NRG1: variants seen among roughly 807,000 people sequenced by gnomAD.
The protein encoded by NRG1 is neuregulin 1.
In NRG1, 18 loss-of-function variants were observed where a neutral mutation model predicts 63.8. The observed-to-expected ratio is 0.28, with a 90% CI of 0.19 to 0.42. NRG1 has a LOEUF of 0.42. Among genes scored for constraint, NRG1 ranks in the 10% least tolerant of loss-of-function variants. The pLI is 1.00. For missense variants in NRG1, 762 were observed against 814.7 expected (o/e 0.94, Z 0.79); for synonymous variants, 302 against 301.3 (o/e 1.00, Z -0.02).
exon 1 of NRG1, chr8:32,548,555 C>T (rs2129523203): frequency 7.9e-7 from 1 of 1,260,780 alleles, no homozygotes; most frequent in East Asian, 3.3e-5. Flanking sequence ...GCCGCGTCCG[C>T]GCCGCGCTCC....
chr8:31,671,857 C>T (rs1807182947), intron 1 of NRG1, among the ~76,000 whole-genome samples: 1 of 152,018 alleles, frequency 6.6e-6, no homozygotes, highest in Admixed American at 6.6e-5. Context: ...AGGAACCATT[C>T]TCAATAGCAG....
chr8:32,450,912 A>G (rs1365895670), intron 1 of NRG1, among the ~76,000 whole-genome samples: 1 of 152,104 alleles, frequency 6.6e-6, no homozygotes, highest in African/African-American at 2.4e-5. Flanking sequence ...AGAGAAGGAG[A>G]GAGGAAGCTT....
chr8:31,958,377 A>G (rs1251758222), intron 1 of NRG1, among the ~76,000 whole-genome samples: 4 of 151,698 alleles, frequency 2.6e-5, no homozygotes, highest in South Asian at 2.1e-4. Context: ...ACTTAAAGGG[A>G]AAAAAAAATT....
At chr8:32,050,864 G>C (rs1008379810) in intron 1 of NRG1, among the ~76,000 whole-genome samples, 2 of 152,172 alleles carry the variant, frequency 1.3e-5, no homozygotes, top group Admixed American at 6.5e-5. Context: ...AATGATTTAA[G>C]CTGAAATTGT....
chr8:32,480,042 AT>A (rs1330610530), intron 1 of NRG1, among the ~76,000 whole-genome samples: 1 of 152,136 alleles, frequency 6.6e-6, no homozygotes, highest in East Asian at 1.9e-4. Context: ...GACATCCAAT[AT>A]TTTGGTAGGC....
intron 1 of NRG1, among the ~76,000 whole-genome samples, chr8:32,370,405 G>T (rs1808655859): frequency 6.6e-6 from 1 of 152,140 alleles, no homozygotes. Context: ...AGCTGAGAGT[G>T]TGACCTGTCT....
At chr8:32,199,605 C>A (rs1843297060) in intron 1 of NRG1, among the ~76,000 whole-genome samples, 2 of 152,156 alleles carry the variant, frequency 1.3e-5, no homozygotes, top group Admixed American at 1.3e-4. Flanking sequence ...GATTGAAAGT[C>A]ATTTCTCTTC....
At chr8:31,991,937 C>G (rs1468615353) in intron 1 of NRG1, among the ~76,000 whole-genome samples, 2 of 151,910 alleles carry the variant, frequency 1.3e-5, no homozygotes, top group Middle Eastern at 3.4e-3. Flanking sequence ...CCTGTAGAAC[C>G]TGATAGAAAA....
chr8:32,768,355 C>T (rs906771727), downstream of NRG1, among the ~76,000 whole-genome samples: 1 of 152,102 alleles, frequency 6.6e-6, no homozygotes, highest in Non-Finnish European at 1.5e-5. Context: ...CGAAAGGTAA[C>T]GAAAAATGCT....
chr8:32,178,894 A>G (rs1486963345), intron 1 of NRG1, among the ~76,000 whole-genome samples: 1 of 152,292 alleles, frequency 6.6e-6, no homozygotes, highest in East Asian at 1.9e-4. Flanking sequence ...GTCCTAAAAA[A>G]AAAAATCACC....
intron 1 of NRG1, among the ~76,000 whole-genome samples, chr8:31,976,079 A>G (rs1808114463): frequency 6.6e-6 from 1 of 152,172 alleles, no homozygotes; most frequent in Non-Finnish European, 1.5e-5. Flanking sequence ...AATGGCTGTA[A>G]AGTGACATGT....
chr8:32,683,925 T>TG (rs1188595135), intron 5 of NRG1, among the ~76,000 whole-genome samples: 1 of 149,026 alleles, frequency 6.7e-6, no homozygotes, highest in Non-Finnish European at 1.5e-5. Flanking sequence ...CCAGGCACAG[T>TG]GGGTCATGCC....
chr8:32,583,920 A>G (rs1268633686), intron 1 of NRG1, among the ~76,000 whole-genome samples: 1 of 152,220 alleles, frequency 6.6e-6, no homozygotes, highest in Non-Finnish European at 1.5e-5. Context: ...TTCGTGTAAC[A>G]TGTTTGAGTC....
At chr8:32,316,094 CTG>C (rs895202689) in intron 1 of NRG1, among the ~76,000 whole-genome samples, 23 of 152,272 alleles carry the variant, frequency 1.5e-4, no homozygotes, top group African/African-American at 4.6e-4. Context: ...ACATGAAAAA[CTG>C]TGTTTGTCTT....
At chr8:32,128,536 TA>T (rs1457680148) in intron 1 of NRG1, among the ~76,000 whole-genome samples, 1 of 151,954 alleles carries the variant, frequency 6.6e-6, no homozygotes, top group Non-Finnish European at 1.5e-5. Context: ...AAGTTTCACG[TA>T]AAATTACATG....
At chr8:32,015,951 A>G (rs1295481019) in intron 1 of NRG1, among the ~76,000 whole-genome samples, 1 of 152,148 alleles carries the variant, frequency 6.6e-6, no homozygotes, top group African/African-American at 2.4e-5. Flanking sequence ...TTAATTAAAA[A>G]CAATGCTTCA....
chr8:31,785,861 T>C (rs532181073), intron 1 of NRG1, among the ~76,000 whole-genome samples: 2 of 152,330 alleles, frequency 1.3e-5, no homozygotes, highest in Admixed American at 1.3e-4. Context: ...ATACCTCCGT[T>C]GCACAAGTTT....
At chr8:32,771,735 T>C (rs948942395), downstream of NRG1, among the ~76,000 whole-genome samples, 5 of 141,564 alleles carry the variant, frequency 3.5e-5, no homozygotes, top group Non-Finnish European at 7.7e-5. Flanking sequence ...TATATATATA[T>C]ATATAGGCCT....
intron 1 of NRG1, among the ~76,000 whole-genome samples, chr8:32,271,046 G>C (rs1230329433): frequency 1.3e-5 from 2 of 152,038 alleles, no homozygotes; most frequent in African/African-American, 4.8e-5. Context: ...GTGTTTTGGG[G>C]CCTTTTTGCC....
Sources: allele counts gnomAD v4.1 joint callset (sites outside exome capture counted in the v4.1 genomes callset), GRCh38; gene constraint gnomAD v4.1.1; transcripts MANE v1.5; gene names NCBI Gene and HGNC (gene_info 2026-07-23, HGNC 2026-07-21).